The following FAM228B variants were observed in gnomAD, a reference collection of about 807,000 sequenced individuals.
FAM228B encodes the protein protein FAM228B.
A neutral mutation model predicts 42.6 loss-of-function variants in FAM228B; 38 were observed. That is an observed-to-expected ratio of 0.89 (90% CI 0.69 to 1.17). The LOEUF is 1.17. FAM228B is among the 50% of genes most tolerant of loss of function. FAM228B has a pLI of 0.00. For synonymous variants in FAM228B, 109 were observed against 122.3 expected (o/e 0.89, Z 0.72); for missense variants, 344 against 367.3 (o/e 0.94, Z 0.52).
In FAM228B at chr2:24,156,770, TTCCG is replaced by T. The variant is rs1458237653; in HGVS notation, c.687-4735_687-4732del. ...GTACCAGACACTGTTATACATTTCT[TTCCG>T]CCCCCCCCCCCCCAGCTTTTTGTTT... On this transcript the variant is annotated intron_variant, in intron 7 of 10. Transcript: ENST00000615575. Among the ~76,000 whole-genome samples, 202 of 30,056 alleles carry T rather than the reference TTCCG, an allele frequency of 6.7e-3. No individual in the cohort carries two copies. The South Asian group carries it at 0.076, about 11-fold the overall frequency. 19.7% of individuals were successfully genotyped at this position (30,056 alleles called of 152,430 possible).
At chr2:24,126,343 A>T (rs1573759596) in intron 2 of FAM228B, among the ~76,000 whole-genome samples, 1 of 152,210 alleles carries the variant, frequency 6.6e-6, no homozygotes, top group South Asian at 2.1e-4. Context: ...AGTTTTATTT[A>T]TACTGATTTA....
chr2:24,092,944 A>ACACACACACACACACT, intron 2 of FAM228B, among the ~76,000 whole-genome samples: 1 of 151,298 alleles, frequency 6.6e-6, no homozygotes, highest in South Asian at 2.1e-4. Flanking sequence ...ACACACACAC[A>ACACACACACACACACT]CACACACACA....
chr2:24,085,829 A>C (rs1338660340), intron 2 of FAM228B: 1 of 152,258 alleles, frequency 6.6e-6, no homozygotes, highest in African/African-American at 2.4e-5. Context: ...GTGCTTTAAC[A>C]AGTATCATTG....
At chr2:24,139,522 C>A in intron 5 of FAM228B, 72 bp downstream of exon 5, 1 of 850,816 alleles carries the variant, frequency 1.2e-6, no homozygotes. Flanking sequence ...AATATATGAG[C>A]AGTCCTTAAG....
chr2:24,130,381 C>T (rs1280603459), intron 2 of FAM228B, among the ~76,000 whole-genome samples: 2 of 152,170 alleles, frequency 1.3e-5, no homozygotes, highest in Non-Finnish European at 1.5e-5. Flanking sequence ...CTTGAGGAAT[C>T]GCCACACTGT....
intron 5 of FAM228B, among the ~76,000 whole-genome samples, chr2:24,141,143 T>C (rs981905622): frequency 2.0e-5 from 3 of 151,812 alleles, no homozygotes; most frequent in African/African-American, 7.3e-5. Context: ...TGGCACGATC[T>C]CGGCTCCTGC....
intron 10 of FAM228B, 73 bp downstream of exon 10, chr2:24,167,756 T>C (rs1332542814): frequency 1.3e-6 from 2 of 1,502,660 alleles, no homozygotes; most frequent in Non-Finnish European, 1.8e-6. Context: ...TGATTTCTGA[T>C]ATCTTCAGAG....
intron 3 of FAM228B, among the ~76,000 whole-genome samples, chr2:24,098,827 A>C (rs949299254): frequency 1.4e-4 from 22 of 152,172 alleles, no homozygotes; most frequent in East Asian, 9.6e-4. Context: ...GAGACACAAC[A>C]AAAAAAGAGA....
intron 5 of FAM228B, among the ~76,000 whole-genome samples, chr2:24,146,301 C>G (rs1490277250): frequency 1.3e-5 from 2 of 152,136 alleles, no homozygotes; most frequent in Non-Finnish European, 2.9e-5. Flanking sequence ...AACATAGATT[C>G]AGTGCTTCCA....
At chr2:24,145,128 G>A (rs140656096) in intron 5 of FAM228B, among the ~76,000 whole-genome samples, 226 of 152,260 alleles carry the variant, frequency 1.5e-3, no homozygotes, top group Admixed American at 3.7e-3. Flanking sequence ...CTGGCCGACC[G>A]CAGCCACTGC....
At chr2:24,155,396 TG>T (rs1196608903) in intron 7 of FAM228B, among the ~76,000 whole-genome samples, 2 of 151,018 alleles carry the variant, frequency 1.3e-5, no homozygotes, top group Non-Finnish European at 2.9e-5. Flanking sequence ...TCTAGCCTTA[TG>T]GGGGCTGGCG....
At chr2:24,122,827 G>T (rs1573755605), upstream of FAM228B, 2 of 276,350 alleles carry the variant, frequency 7.2e-6, no homozygotes, top group East Asian at 6.9e-5. Flanking sequence ...GTTTACATCA[G>T]GATTATCTGC....
At chr2:24,116,179 T>A (rs1457656136) in intron 3 of FAM228B, among the ~76,000 whole-genome samples, 2 of 151,924 alleles carry the variant, frequency 1.3e-5, no homozygotes, top group African/African-American at 4.8e-5. Flanking sequence ...ATACAAAAAA[T>A]TAGCCAGGCA....
At chr2:24,143,349 TTTG>T (rs769539384) in intron 5 of FAM228B, among the ~76,000 whole-genome samples, 12 of 151,896 alleles carry the variant, frequency 7.9e-5, no homozygotes, top group South Asian at 4.2e-4. Flanking sequence ...CCCGGCTAAT[TTTG>T]TTGTTGTTGT....
intron 2 of FAM228B, among the ~76,000 whole-genome samples, chr2:24,081,442 T>C (rs1024374134): frequency 1.3e-5 from 2 of 152,170 alleles, no homozygotes; most frequent in African/African-American, 4.8e-5. Flanking sequence ...TTCTAGAGTC[T>C]GAAACTGGCC....
At chr2:24,141,832 T>A (rs1331904750) in intron 5 of FAM228B, among the ~76,000 whole-genome samples, 1 of 152,200 alleles carries the variant, frequency 6.6e-6, no homozygotes, top group African/African-American at 2.4e-5. Context: ...TGTACAGTCA[T>A]GCTGTGGGCT....
chr2:24,082,100 A>G lies in FAM228B; in HGVS notation c.-210+1145A>G, dbSNP rs149854316. Reference sequence around the variant, plus strand: ...GCCTTGACCTTCCTGGGCTCAGGTGATCCTCCCAACTCAGCCTCCTGAGTA... The same window carrying G: ...GCCTTGACCTTCCTGGGCTCAGGTGGTCCTCCCAACTCAGCCTCCTGAGTA... On this transcript the variant is annotated intron_variant, in intron 2 of 10. Coordinates refer to the FAM228B transcript ENST00000613899. Among the ~76,000 whole-genome samples the G allele has an allele frequency of 7.3e-3, 1,109 of 152,180 alleles. 9 individuals are homozygous for G. The highest frequency in any genetic ancestry group is 0.026 in the African/African-American group (1,071 of 41,518).
intron 3 of FAM228B, among the ~76,000 whole-genome samples, chr2:24,103,326 T>A (rs1317637428): frequency 6.6e-6 from 1 of 152,176 alleles, no homozygotes; most frequent in Non-Finnish European, 1.5e-5. Flanking sequence ...AAAGTACGTA[T>A]GGAAGTTGAG....
In FAM228B at chr2:24,080,345, A is replaced by C. The variant is rs1315528336; in HGVS notation, c.-289-531A>C. Among the ~76,000 whole-genome samples, 1 of 149,522 alleles carries C rather than the reference A, an allele frequency of 6.7e-6. No individual in the cohort carries two copies. The highest frequency in any genetic ancestry group is 1.9e-4 in the East Asian group (1 of 5,162). ...ACGCCATCCTCAGTGACAGAGTGAGACTCCATCTCAAAAAAAAAAAAGAAA... is the reference window on the plus strand; with the variant it reads ...ACGCCATCCTCAGTGACAGAGTGAGCCTCCATCTCAAAAAAAAAAAAGAAA... On this transcript the variant is annotated intron_variant, in intron 1 of 10. Transcript: ENST00000613899. This position sits in a 1 kb window ranked among gnomAD's most constrained non-coding sequence, Gnocchi z 4.7.
Sources: allele counts gnomAD v4.1 joint callset (sites outside exome capture counted in the v4.1 genomes callset), GRCh38; gene constraint gnomAD v4.1.1; non-coding constraint Gnocchi (gnomAD v3.1); transcripts MANE v1.5; gene names NCBI Gene and HGNC (gene_info 2026-07-23, HGNC 2026-07-21).